The following XRN2 variants were observed in gnomAD, a reference collection of about 807,000 sequenced individuals.
XRN2 encodes DHM1-like protein.
Under a neutral mutation model 138.5 loss-of-function variants are expected in XRN2, and 44 were observed. That is an observed-to-expected ratio of 0.32 (90% confidence interval 0.25 to 0.41). XRN2 has a LOEUF of 0.41. XRN2 is among the 10% of genes least tolerant of loss of function. The pLI is 1.00. For missense variants in XRN2, 937 were observed against 1,169.3 expected (o/e 0.80, Z 2.90); for synonymous variants, 354 against 369.4 (o/e 0.96, Z 0.48).
chr20:21,344,887 A>G (rs1054172060), intron 16 of XRN2, among the ~76,000 whole-genome samples: 1 of 152,208 alleles, frequency 6.6e-6, no homozygotes, highest in African/African-American at 2.4e-5. Flanking sequence ...CAAAAGGCCA[A>G]CAATCTCAAT....
intron 13 of XRN2, among the ~76,000 whole-genome samples, chr20:21,335,632 C>G (rs976326359): frequency 6.6e-6 from 1 of 152,212 alleles, no homozygotes; most frequent in African/African-American, 2.4e-5. Context: ...TCTGGAAGAT[C>G]AGATGTCAAT....
chr20:21,320,827 T>C (rs543700154), intron 1 of XRN2, among the ~76,000 whole-genome samples: 2 of 151,920 alleles, frequency 1.3e-5, no homozygotes, highest in East Asian at 3.9e-4. Context: ...AACTCCTAAA[T>C]TGTAGATCTT....
At chr20:21,366,379 C>T (rs1415803117) in intron 26 of XRN2, among the ~76,000 whole-genome samples, 1 of 150,104 alleles carries the variant, frequency 6.7e-6, no homozygotes, top group African/African-American at 2.4e-5. Context: ...AACCCCGTCT[C>T]TACTAAACAA....
rs1026126523 is a variant in XRN2, at chr20:21,322,547, C to T, written c.76-3732C>T. On this transcript the variant is annotated intron_variant, in intron 1 of 29. Coordinates refer to ENST00000377191, the MANE Select transcript of XRN2 (RefSeq NM_012255.5). ...CATGATTCATGGTTTTTCTAATGTT[C>T]CTGTTAAATCCTTTGTAGGTTTAAA... Among the ~76,000 whole-genome samples, 2 of 152,214 alleles carry T rather than the reference C, an allele frequency of 1.3e-5. 1 individual carries two copies. The highest frequency in any genetic ancestry group is 6.8e-3 in the Middle Eastern group (2 of 294).
At chr20:21,326,014 C>T (rs2038123800) in intron 1 of XRN2, among the ~76,000 whole-genome samples, 1 of 152,186 alleles carries the variant, frequency 6.6e-6, no homozygotes, top group Non-Finnish European at 1.5e-5. Flanking sequence ...CCCATGATTT[C>T]TCACTTGAAC....
intron 29 of XRN2, among the ~76,000 whole-genome samples, chr20:21,389,069 T>C (rs1336131041): frequency 1.3e-5 from 2 of 152,226 alleles, no homozygotes; most frequent in Non-Finnish European, 2.9e-5. Flanking sequence ...TTTTCAGTAA[T>C]AGCATTTGTG....
chr20:21,375,265 T>C (rs1568597490), intron 27 of XRN2, among the ~76,000 whole-genome samples: 1 of 151,616 alleles, frequency 6.6e-6, no homozygotes, highest in Non-Finnish European at 1.5e-5. Context: ...TTTGTTGATA[T>C]ATAGATATTT....
intron 6 of XRN2, 92 bp downstream of exon 6, chr20:21,330,797 G>C (rs960988086): frequency 6.5e-6 from 8 of 1,224,794 alleles, no homozygotes; most frequent in Non-Finnish European, 9.1e-6. Flanking sequence ...CTTCTGCCCT[G>C]CCCCATAAAA....
At chr20:21,318,853 G>T (rs978926266) in intron 1 of XRN2, among the ~76,000 whole-genome samples, 1 of 151,874 alleles carries the variant, frequency 6.6e-6, no homozygotes, top group Non-Finnish European at 1.5e-5. Flanking sequence ...TTTTTTGAGA[G>T]CATATTTCGT....
intron 27 of XRN2, among the ~76,000 whole-genome samples, chr20:21,370,948 G>A (rs2038754994): frequency 6.6e-6 from 1 of 152,192 alleles, no homozygotes; most frequent in Non-Finnish European, 1.5e-5. Flanking sequence ...CACAAGGGCA[G>A]CATGGGGGAG....
At chr20:21,387,110 GAGT>G (rs1205780716) in intron 29 of XRN2, 104 bp downstream of exon 29, 20 of 1,406,690 alleles carry the variant, frequency 1.4e-5, no homozygotes, top group Non-Finnish European at 1.9e-5. Flanking sequence ...GACACTGATA[GAGT>G]AGCTTAGAGT....
At chr20:21,330,413 C>T in intron 4 of XRN2, 68 bp from the exon 5 acceptor site, 3 of 1,529,456 alleles carry the variant, frequency 2.0e-6, no homozygotes, top group Middle Eastern at 2.2e-4. Flanking sequence ...TTTTGTTGTT[C>T]TGGCTTAATG....
chr20:21,356,216 T>A (rs1320250425), intron 22 of XRN2, 39 bp downstream of exon 22: 2 of 1,537,626 alleles, frequency 1.3e-6, no homozygotes, highest in Non-Finnish European at 8.8e-7. Flanking sequence ...ATGCACTTTT[T>A]AAAATTTTGG....
chr20:21,379,828 A>C lies in XRN2; in HGVS notation c.2585-2166A>C, dbSNP rs113996978. Among the ~76,000 whole-genome samples, 738 of 152,316 alleles carry C rather than the reference A, an allele frequency of 4.8e-3. 6 individuals are homozygous for C. The highest frequency in any genetic ancestry group is 0.017 in the African/African-American group (689 of 41,560). ...TCTAAGAATAGCATGTTTGAGTCTA[A>C]TGAATATATATTATGGGTGGTGATG... On this transcript the variant is annotated intron_variant, in intron 27 of 29. Transcript: ENST00000377191.
intron 20 of XRN2, among the ~76,000 whole-genome samples, chr20:21,352,889 A>G (rs1421155457): frequency 1.3e-5 from 2 of 152,052 alleles, no homozygotes; most frequent in Admixed American, 1.3e-4. Flanking sequence ...ATTCAGTGAG[A>G]TAATGCATGT....
At chr20:21,369,394 T>C (rs973694249) in intron 27 of XRN2, among the ~76,000 whole-genome samples, 1 of 152,242 alleles carries the variant, frequency 6.6e-6, no homozygotes, top group Non-Finnish European at 1.5e-5. Flanking sequence ...AGATGTCTCC[T>C]TGACGTACTG....
At chr20:21,366,215 AGTT>A (rs1490105185) in intron 26 of XRN2, among the ~76,000 whole-genome samples, 8 of 128,614 alleles carry the variant, frequency 6.2e-5, no homozygotes, top group East Asian at 2.3e-4. Flanking sequence ...TATATAATAT[AGTT>A]TATATATATA....
chr20:21,371,323 G>C (rs1227144922), intron 27 of XRN2, among the ~76,000 whole-genome samples: 1 of 152,074 alleles, frequency 6.6e-6, no homozygotes, highest in Non-Finnish European at 1.5e-5. Context: ...CTCTGTCTCT[G>C]TTCCTCTCTC....
In XRN2 at chr20:21,326,338, T is replaced by C. The variant is rs1339758118; in HGVS notation, c.135T>C (p.Asp45=). The change falls in exon 2 of 30, where the codon GAT becomes GAC. Residue 45 remains aspartate (D), a synonymous_variant. Coordinates refer to ENST00000377191, the MANE Select transcript of XRN2 (RefSeq NM_012255.5). Reference sequence around the variant, plus strand: ...ATGCCAGTAAACCTAATCCAAATGATGTGGAGTTTGATAATCTGTATTTGG... The same window carrying C: ...ATGCCAGTAAACCTAATCCAAATGACGTGGAGTTTGATAATCTGTATTTGG... The part of the protein sequence containing the change: ...PVDASKPNPN[D]VEFDNLYLDM... 6.2e-7 allele frequency: 1 copy of C among 1,613,836 alleles called. No individual in the cohort carries two copies. The highest frequency in any genetic ancestry group is 1.1e-5 in the South Asian group (1 of 91,080).
Sources: allele counts gnomAD v4.1 joint callset (sites outside exome capture counted in the v4.1 genomes callset), GRCh38; gene constraint gnomAD v4.1.1; transcripts MANE v1.5; gene names NCBI Gene and HGNC (gene_info 2026-07-23, HGNC 2026-07-21).